Variants in MDK observed in about 807,000 individuals in gnomAD.
The protein encoded by MDK is midkine, also known as amphiregulin-associated protein.
A neutral mutation model predicts 18.9 loss-of-function variants in MDK; 17 were observed. That is an observed-to-expected ratio of 0.90 (90% CI 0.62 to 1.35). The LOEUF is 1.35. MDK is among the 40% of genes most tolerant of loss of function. The pLI is 0.00. For missense variants in MDK, 180 were observed against 186.3 expected, an observed-to-expected ratio of 0.97 and a Z score of 0.20; for synonymous variants, 86 against 74.3, an observed-to-expected ratio of 1.16 and a Z score of -0.81.
At position 46,383,621 on chromosome 11, in the gene MDK, C is replaced by CCCTT. The variant is rs775318242; in HGVS notation, c.*130_*131insTCCT. ...TGCTCGTTAGCTTTAATCAATCATG[C>CCCTT]CCTGCCTTGTCCCTCTCACTCCCCA... On this transcript the variant is annotated 3_prime_UTR_variant, in exon 5 of 5. Coordinates refer to ENST00000395566, the MANE Select transcript of MDK (RefSeq NM_002391.6). The CCCTT allele has an allele frequency of 4.6e-6, 4 of 877,234 alleles. No individual in the cohort carries two copies. The highest frequency in any genetic ancestry group is 7.6e-6 in the Non-Finnish European group (4 of 526,284). The allele number at this position is 877,234 out of a possible 1,614,324, so 54.3% of individuals were successfully genotyped here. A position where few individuals can be genotyped will look rare whatever the true frequency, so the allele number is the denominator to read the frequency against.
At chr11:46,380,801 G>A (rs977590444), upstream of MDK, 8 of 152,192 alleles carry the variant, frequency 5.3e-5, no homozygotes, top group African/African-American at 1.4e-4. Context: ...GTGAAAGAGG[G>A]GTGGGGCGGG....
chr11:46,382,879 C>T (rs1945265815), intron 4 of MDK, 131 bp downstream of exon 4: 2 of 1,051,646 alleles, frequency 1.9e-6, no homozygotes, highest in African/African-American at 1.6e-5. Flanking sequence ...CATCGCCTCA[C>T]TTGGCTTCCC....
In MDK at chr11:46,383,461, T is replaced by A; in HGVS notation, c.407-8T>A. 6.3e-7 allele frequency: 1 copy of A among 1,586,246 alleles called. No individual in the cohort carries two copies. The highest frequency in any genetic ancestry group is 8.6e-7 in the Non-Finnish European group (1 of 1,165,580). ...ATATGGTATTAATATTTCTTTCTTG[T>A]TTTACAGCCAAGAAAGGGAAGGGAA... On this transcript the variant is annotated splice_region_variant and splice_polypyrimidine_tract_variant and intron_variant, in intron 4 of 4. Coordinates refer to ENST00000395566, the MANE Select transcript of MDK (RefSeq NM_002391.6).
chr11:46,382,374 G>C lies in MDK; in HGVS notation c.157G>C (p.Gly53Arg). The change falls in exon 3 of 5, where the codon GGC (glycine) becomes CGC (arginine). Residue 53 changes from glycine (G) to arginine (R), a missense_variant. By Grantham distance (125) the Gly-to-Arg change is moderately radical (BLOSUM62 -2). Transcript: ENST00000395566. ...CTGCACCCCCAGCAGCAAGGATTGCGGCGTGGGTTTCCGCGAGGGCACCTG... is the reference window on the plus strand; with the variant it reads ...CTGCACCCCCAGCAGCAAGGATTGCCGCGTGGGTTTCCGCGAGGGCACCTG... ...GPCTPSSKDC[G>R]VGFREGTCGA... is the part of the protein sequence containing the mutation. The C allele has an allele frequency of 6.3e-7, 1 of 1,578,342 alleles. No homozygotes were observed. Among genetic ancestry groups the C allele is most frequent in the Non-Finnish European group, 8.6e-7 (1 of 1,165,242 alleles).
At chr11:46,383,825 A>C (rs1480618194), downstream of MDK, 3 of 407,542 alleles carry the variant, frequency 7.4e-6, no homozygotes, top group Non-Finnish European at 1.4e-5. Flanking sequence ...TTTTTAATAT[A>C]TAAAAGCCCC....
At chr11:46,381,962 G>A (rs1003009117) in intron 1 of MDK, 95 bp from the exon 2 acceptor site, 4 of 1,353,962 alleles carry the variant, frequency 3.0e-6, no homozygotes, top group African/African-American at 2.9e-5. Flanking sequence ...CTTGGGGCCT[G>A]GAAAGTGGAG....
chr11:46,383,388 C>T lies in MDK; in HGVS notation c.407-81C>T, dbSNP rs368436657. 30 of 1,105,014 alleles carry T rather than the reference C, an allele frequency of 2.7e-5. No individual in the cohort carries two copies. The East Asian group carries it at 5.5e-4, about 20-fold the overall frequency. 68.5% of individuals were successfully genotyped at this position (1,105,014 alleles called of 1,614,324 possible). ...CAGAATCTTCTCCTTCCCTGATGCC[C>T]GGGTGTTTGTGGAGCCGGCGGTCTG... On this transcript the variant is annotated intron_variant, in intron 4 of 4. Coordinates refer to ENST00000395566, the MANE Select transcript of MDK (RefSeq NM_002391.6).
At position 46,382,798 on chromosome 11, in the gene MDK, C is replaced by G. The variant is rs748119017; in HGVS notation, c.406+50C>G. The G allele has an allele frequency of 1.2e-5, 18 of 1,509,996 alleles. 1 individual carries two copies. Among genetic ancestry groups the G allele is most frequent in the Non-Finnish European group, 1.5e-5 (17 of 1,120,884 alleles). The allele number at this position is 1,509,996 out of a possible 1,614,324, so 93.5% of individuals were successfully genotyped here. ...GGCTGTCGCGGGGGGCTGCCCCCCC[C>G]CCCCCCCGCCTGTGAGGGGACAATT... On this transcript the variant is annotated intron_variant, in intron 4 of 4. Transcript: ENST00000395566.
At position 46,382,399 on chromosome 11, in the gene MDK, G is replaced by C; in HGVS notation, c.182G>C (p.Cys61Ser). The stretch of plus-strand genomic sequence containing the variant: ...GGCGTGGGTTTCCGCGAGGGCACCT[G>C]CGGGGCCCAGACCCAGCGCATCCGG... ...DCGVGFREGT[C>S]GAQTQRIRCR... Residue 61 changes from cysteine (C) to serine (S), a missense_variant, in exon 3 of 5, where the codon TGC (cysteine) becomes TCC (serine). Physicochemically the swap from Cys to Ser is moderately radical, Grantham distance 112 (BLOSUM62 -1). Transcript: ENST00000395566. The C allele has an allele frequency of 6.4e-7, 1 of 1,557,372 alleles. No homozygotes were observed. Among genetic ancestry groups the C allele is most frequent in the Non-Finnish European group, 8.7e-7 (1 of 1,153,948 alleles).
At position 46,382,373 on chromosome 11, in the gene MDK, C is replaced by T; in HGVS notation, c.156C>T (p.Cys52=). The change falls in exon 3 of 5, where the codon TGC becomes TGT. Residue 52 remains cysteine, a synonymous_variant. Coordinates refer to ENST00000395566, the MANE Select transcript of MDK (RefSeq NM_002391.6). ...WGPCTPSSKD[C]GVGFREGTCG... The stretch of plus-strand genomic sequence containing the variant: ...CCTGCACCCCCAGCAGCAAGGATTG[C>T]GGCGTGGGTTTCCGCGAGGGCACCT... The T allele has an allele frequency of 1.3e-6, 2 of 1,577,604 alleles. No individual in the cohort carries two copies. Among genetic ancestry groups the T allele is most frequent in the Non-Finnish European group, 1.7e-6 (2 of 1,164,866 alleles).
intron 1 of MDK, 51 bp from the exon 2 acceptor site, chr11:46,382,006 C>A (rs909269132): frequency 5.2e-6 from 8 of 1,544,296 alleles, no homozygotes; most frequent in Non-Finnish European, 7.0e-6. Flanking sequence ...CACGCGGCCC[C>A]CGGTGGGGAA....
At chr11:46,383,128 CT>C in intron 4 of MDK, 1 of 415,570 alleles carries the variant, frequency 2.4e-6, no homozygotes. Flanking sequence ...CCCTGGGCCT[CT>C]CAGCTCACTC....
intron 1 of MDK, 21 bp from the exon 2 acceptor site, chr11:46,382,030 GGATTCA>G (rs1166249857): frequency 6.3e-6 from 10 of 1,585,124 alleles, no homozygotes; most frequent in Non-Finnish European, 8.6e-6. Context: ...GACGGGCCAG[GGATTCA>G]GACTCGGGCT....
chr11:46,383,631 T>C lies in MDK; in HGVS notation c.*137T>C. 1 of 809,678 alleles carries C rather than the reference T, an allele frequency of 1.2e-6. No homozygotes were observed. Among genetic ancestry groups the C allele is most frequent in the Non-Finnish European group, 2.1e-6 (1 of 472,142 alleles). The allele number at this position is 809,678 out of a possible 1,614,324, so 50.2% of individuals were successfully genotyped here. ...CTTTAATCAATCATGCCCTGCCTTG[T>C]CCCTCTCACTCCCCAGCCCCACCCC... On this transcript the variant is annotated 3_prime_UTR_variant, in exon 5 of 5. Transcript: ENST00000395566.
In MDK at chr11:46,382,806, G is replaced by T. The variant is rs199898462; in HGVS notation, c.406+58G>T. The T allele has an allele frequency of 4.9e-5, 44 of 894,602 alleles. 1 individual carries two copies. The highest frequency in any genetic ancestry group is 6.1e-5 in the Non-Finnish European group (43 of 707,650). 55.4% of individuals were successfully genotyped at this position (894,602 alleles called of 1,614,324 possible). A position where few individuals can be genotyped will look rare whatever the true frequency, so the allele number is the denominator to read the frequency against. On this transcript the variant is annotated intron_variant, in intron 4 of 4. Transcript: ENST00000395566. ...CGGGGGGCTGCCCCCCCCCCCCCCC[G>T]CCTGTGAGGGGACAATTCCAAGTTA... is the stretch of plus-strand genomic sequence containing the variant.
rs1945285566 is a variant in MDK, at chr11:46,383,528, T to C, written c.*34T>C. The C allele has an allele frequency of 6.2e-7, 1 of 1,606,050 alleles. No individual in the cohort carries two copies. Among genetic ancestry groups the C allele is most frequent in the Non-Finnish European group, 8.5e-7 (1 of 1,173,338 alleles). ...CCTGGATGCCAAGGAGCCCCTGGTG[T>C]CACATGGGGCCTGGCCCACGCCCTC... On this transcript the variant is annotated 3_prime_UTR_variant, in exon 5 of 5. Transcript: ENST00000395566.
At chr11:46,382,519 G>GGGCGGACCCTT (rs1355938834) in intron 3 of MDK, 58 bp downstream of exon 3, 1 of 1,549,386 alleles carries the variant, frequency 6.5e-7, no homozygotes, top group African/African-American at 1.4e-5. Flanking sequence ...GCCGAAGCCT[G>GGGCGGACCCTT]GGCGGACCCT....
rs769002341 is a variant in MDK, at chr11:46,382,283, G to C, written c.77-11G>C. ...GCCCCAGTCCTGAACTCTGTTCCTC[G>C]CGCGTTGTAGATAAGGTGAAGAAGG... On this transcript the variant is annotated splice_polypyrimidine_tract_variant and intron_variant, in intron 2 of 4. Transcript: ENST00000395566. 1 of 1,606,862 alleles carries C rather than the reference G, an allele frequency of 6.2e-7. No individual in the cohort carries two copies. Among genetic ancestry groups the C allele is most frequent in the South Asian group, 1.1e-5 (1 of 90,504 alleles).
At position 46,383,735 on chromosome 11, in the gene MDK, G is replaced by A. The variant is rs774870092; in HGVS notation, c.*241G>A. 13 of 640,822 alleles carry A rather than the reference G, an allele frequency of 2.0e-5. No homozygotes were observed. The highest frequency in any genetic ancestry group is 5.8e-5 in the East Asian group (2 of 34,302). 39.7% of individuals were successfully genotyped at this position (640,822 alleles called of 1,614,324 possible). A position where few individuals can be genotyped will look rare whatever the true frequency, so the allele number is the denominator to read the frequency against. ...CAAAGCAATGTGAGTCCCAGAGCCC[G>A]CTTTTGTTCTTCCCCACAATTCCAT... On this transcript the variant is annotated 3_prime_UTR_variant, in exon 5 of 5. Transcript: ENST00000395566.
Sources: allele counts gnomAD v4.1 joint callset, GRCh38; gene constraint gnomAD v4.1.1; transcripts MANE v1.5; gene names NCBI Gene and HGNC (gene_info 2026-07-23, HGNC 2026-07-21).